USP15: variants seen among roughly 807,000 people sequenced by gnomAD.
USP15 encodes ubiquitin carboxyl-terminal hydrolase 15.
Under a neutral mutation model 127.1 loss-of-function variants are expected in USP15, and 18 were observed. The observed-to-expected ratio is 0.14, with a 90% CI of 0.10 to 0.21. The LOEUF (loss-of-function observed/expected upper bound fraction) is 0.21, where lower values mean the gene tolerates loss of function less well. Ranked by LOEUF, USP15 falls within the 10% of genes least tolerant of loss-of-function variation. The probability of loss-of-function intolerance (pLI) is 1.00; values close to 1 mark genes in which losing one functional copy is unlikely to be tolerated. For missense variants in USP15, 805 were observed against 1,159.9 expected (o/e 0.69, Z 4.44); for synonymous variants, 364 against 393.7 (o/e 0.92, Z 0.89).
At chr12:62,399,985 C>T (rs58529824) in intron 20 of USP15, among the ~76,000 whole-genome samples, 3,165 of 152,124 alleles carry the variant, frequency 0.021, 105 homozygotes, top group African/African-American at 0.073. Flanking sequence ...TGATTTCAGC[C>T]TTATTAAGGA....
At chr12:62,307,903 G>T (rs546224146) in intron 3 of USP15, among the ~76,000 whole-genome samples, 1 of 152,212 alleles carries the variant, frequency 6.6e-6, no homozygotes, top group East Asian at 1.9e-4. Flanking sequence ...GAAAAAGGGT[G>T]AGTACAATAT....
At chr12:62,372,417 C>T (rs2066703625) in intron 8 of USP15, among the ~76,000 whole-genome samples, 1 of 152,012 alleles carries the variant, frequency 6.6e-6, no homozygotes, top group Non-Finnish European at 1.5e-5. Context: ...TCTTTTAGAA[C>T]ATTATTTGTA....
At chr12:62,304,632 C>A (rs1257903229) in intron 3 of USP15, 1 of 432,518 alleles carries the variant, frequency 2.3e-6, no homozygotes, top group African/African-American at 2.1e-5. Context: ...AGTTAAACAT[C>A]TTCCTGTACC....
chr12:62,323,059 TC>T (rs1314010370), intron 5 of USP15, among the ~76,000 whole-genome samples: 2 of 152,192 alleles, frequency 1.3e-5, no homozygotes, highest in African/African-American at 4.8e-5. Context: ...TCCTTCAGGT[TC>T]TAGCTCAACT....
chr12:62,355,331 T>A lies in USP15; in HGVS notation c.771T>A (p.Asn257Lys). 1 of 1,583,708 alleles carries A rather than the reference T, an allele frequency of 6.3e-7. No individual in the cohort carries two copies. Among genetic ancestry groups the A allele is most frequent in the Non-Finnish European group, 8.6e-7 (1 of 1,168,596 alleles). Residue 257 changes from asparagine to lysine, a missense_variant and splice_region_variant, in exon 8 of 22, where the codon AAT (asparagine) becomes AAA (lysine). Coordinates refer to ENST00000280377, the MANE Select transcript of USP15 (RefSeq NM_001252078.2). Reference protein sequence around the residue: ...SNNYNNMNNRNVKNSNYCLPS... With the variant: ...SNNYNNMNNRKVKNSNYCLPS... ...ATTATGAAAATTTTTTTTCTTCCAG[T>A]GTGAAAAACTCAAATTACTGTCTTC...
At chr12:62,391,497 A>G in intron 16 of USP15, 68 bp downstream of exon 16, 1 of 1,552,954 alleles carries the variant, frequency 6.4e-7, no homozygotes, top group South Asian at 1.2e-5. Context: ...TTTAGGTGAA[A>G]ACCATGAAAT....
Position 62,408,886 on chromosome 12 carries a change from A to G in USP15, c.*4511A>G, listed in dbSNP as rs2137703155. The G allele has an allele frequency of 6.6e-6, 1 of 152,208 alleles. No individual in the cohort carries two copies. The highest frequency in any genetic ancestry group is 3.4e-3 in the Middle Eastern group (1 of 294). 9.4% of individuals were successfully genotyped at this position (152,208 alleles called of 1,614,324 possible). A position where few individuals can be genotyped will look rare whatever the true frequency, so the allele number is the denominator to read the frequency against. ...TACGTGTTTAATTCGTATTTACTAT[A>G]TATTAAAAGAATTTCCAAATAGCTC... On this transcript the variant is annotated 3_prime_UTR_variant, in exon 22 of 22. Coordinates refer to ENST00000280377, the MANE Select transcript of USP15 (RefSeq NM_001252078.2).
At chr12:62,335,769 C>T in intron 6 of USP15, 2 of 985,290 alleles carry the variant, frequency 2.0e-6, no homozygotes, top group East Asian at 1.1e-4. Flanking sequence ...GCTTGCCACC[C>T]ATTCAGGATT....
Position 62,396,398 on chromosome 12 carries a change from TGTAAGTTGACA to T in USP15, c.2674+3_2674+13del. The T allele has an allele frequency of 6.2e-7, 1 of 1,613,084 alleles. No individual in the cohort carries two copies. The highest frequency in any genetic ancestry group is 8.5e-7 in the Non-Finnish European group (1 of 1,179,394). On this transcript the variant is annotated splice_donor_variant and splice_donor_5th_base_variant and intron_variant, in intron 20 of 21. Transcript: ENST00000280377. LOFTEE classifies it high-confidence loss of function. Reference sequence around the variant, plus strand: ...CTATGGAGGGATGGGAGGAGGACACTGTAAGTTGACAGTTTGCCTTTTTACCCAAATCATGG... The same window carrying T: ...CTATGGAGGGATGGGAGGAGGACACTGTTTGCCTTTTTACCCAAATCATGG...
intron 8 of USP15, chr12:62,374,511 G>A: frequency 1.0e-6 from 1 of 985,738 alleles, no homozygotes; most frequent in Non-Finnish European, 1.2e-6. Context: ...TCTTTTTGAA[G>A]GGGATTACTT....
At chr12:62,399,555 T>G (rs775379120) in intron 20 of USP15, among the ~76,000 whole-genome samples, 4 of 152,218 alleles carry the variant, frequency 2.6e-5, no homozygotes, top group Non-Finnish European at 5.9e-5. Flanking sequence ...CCATCCATTC[T>G]GTCGCATTCT....
chr12:62,269,355 T>G (rs1243127032), intron 1 of USP15, among the ~76,000 whole-genome samples: 1 of 151,776 alleles, frequency 6.6e-6, no homozygotes, highest in African/African-American at 2.4e-5. Context: ...TAAATATATA[T>G]ATGTGTGTGT....
rs1182021675 is a variant in USP15 at position 62,411,747 on chromosome 12, G to C, written c.*7372G>C. The stretch of plus-strand genomic sequence containing the variant: ...CTGGAGGCTGGGAATCTGAGATCAG[G>C]GTACCAGTATACTGGGTTTCTGGTG... On this transcript the variant is annotated 3_prime_UTR_variant, in exon 22 of 22. Coordinates refer to ENST00000280377, the MANE Select transcript of USP15 (RefSeq NM_001252078.2). The C allele has an allele frequency of 2.0e-5, 3 of 152,110 alleles. No individual in the cohort carries two copies. Among genetic ancestry groups the C allele is most frequent in the African/African-American group, 7.2e-5 (3 of 41,388 alleles). The allele number at this position is 152,110 out of a possible 1,614,324, so 9.4% of individuals were successfully genotyped here.
chr12:62,382,975 C>T (rs138293842), intron 9 of USP15, among the ~76,000 whole-genome samples: 20 of 151,846 alleles, frequency 1.3e-4, no homozygotes, highest in African/African-American at 4.6e-4. Context: ...AATAGTGAAA[C>T]AACAATTAAT....
chr12:62,280,867 A>G (rs564554496), intron 1 of USP15, among the ~76,000 whole-genome samples: 1 of 152,178 alleles, frequency 6.6e-6, no homozygotes, highest in Non-Finnish European at 1.5e-5. Context: ...ATCATGCAAG[A>G]CCTTTTAGAC....
chr12:62,332,135 C>T (rs767278725), intron 6 of USP15, among the ~76,000 whole-genome samples: 1 of 150,582 alleles, frequency 6.6e-6, no homozygotes, highest in Non-Finnish European at 1.5e-5. Context: ...GTGCACTCCA[C>T]TTTGGGTAGC....
chr12:62,381,177 G>C (rs548023456), intron 8 of USP15, among the ~76,000 whole-genome samples: 2 of 152,208 alleles, frequency 1.3e-5, no homozygotes, highest in East Asian at 3.9e-4. Context: ...TACCAATCAA[G>C]TAAAAGAAGG....
intron 3 of USP15, among the ~76,000 whole-genome samples, chr12:62,309,406 A>C (rs2064590040): frequency 6.6e-6 from 1 of 152,144 alleles, no homozygotes; most frequent in East Asian, 1.9e-4. Context: ...CTATGTGATT[A>C]AAGAAATTGA....
chr12:62,341,884 TTAG>T (rs1437691648), intron 6 of USP15, among the ~76,000 whole-genome samples: 2 of 152,144 alleles, frequency 1.3e-5, no homozygotes, highest in Non-Finnish European at 2.9e-5. Flanking sequence ...ATGGAGTATC[TTAG>T]TGGTGGTCTG....
Sources: gnomAD v4.1 joint callset for allele counts (sites outside exome capture counted in the v4.1 genomes callset) on GRCh38, gnomAD v4.1.1 for gene constraint, MANE v1.5 for transcripts, NCBI Gene and HGNC (gene_info 2026-07-23, HGNC 2026-07-21) for gene names.